Variants in HTN3 observed in about 807,000 individuals in gnomAD.
HTN3 encodes the protein histatin 3.
Under a neutral mutation model 10.6 loss-of-function variants are expected in HTN3, and 15 were observed. The ratio of observed to expected loss-of-function variants is 1.42; its 90% CI spans 0.95 to 2.18. The LOEUF (loss-of-function observed/expected upper bound fraction) is 2.18, where lower values mean the gene tolerates loss of function less well. Ranked by LOEUF, HTN3 falls within the 30% of genes most tolerant of loss-of-function variation. The pLI is 0.00. For synonymous variants in HTN3, 15 were observed against 16.9 expected (o/e 0.89, Z 0.27); for missense variants, 68 against 58.0 (o/e 1.17, Z -0.56).
rs747531085 is a variant in HTN3 at position 70,033,183 on chromosome 4, A to G, written c.119A>G (p.His40Arg). 1.9e-6 allele frequency: 3 copies of G among 1,606,970 alleles called. No individual in the cohort carries two copies. Among genetic ancestry groups the G allele is most frequent in the Non-Finnish European group, 2.6e-6 (3 of 1,175,046 alleles). Residue 40 changes from histidine to arginine, a missense_variant, in exon 5 of 6, where the codon CAT (histidine) becomes CGT (arginine). By Grantham distance (29) the His-to-Arg change is conservative. Coordinates refer to ENST00000673563, the MANE Select transcript of HTN3 (RefSeq NM_000200.3). ...KRKFHEKHHS[H>R]RGYRSNYLYD... ...TGTATGCAGGAAAAGCATCATTCAC[A>G]TCGAGGCTATAGATCAAATTATCTG...
rs560565214 is a variant in HTN3, at chr4:70,030,821, C to T, written c.51+30C>T. Reference sequence around the variant, plus strand: ...GTATATCTGGAAGTTTTAAAGGATACATTCTCAGTACTTATCCCAAGGATC... The same window carrying T: ...GTATATCTGGAAGTTTTAAAGGATATATTCTCAGTACTTATCCCAAGGATC... On this transcript the variant is annotated intron_variant, in intron 2 of 5. Coordinates refer to ENST00000673563, the MANE Select transcript of HTN3 (RefSeq NM_000200.3). The T allele has an allele frequency of 2.0e-6, 3 of 1,517,028 alleles. No individual in the cohort carries two copies. In the African/African-American group the frequency reaches 4.1e-5, roughly 21 times the overall value. The allele number at this position is 1,517,028 out of a possible 1,614,324, so 94.0% of individuals were successfully genotyped here.
At position 70,028,503 on chromosome 4, in the gene HTN3, C is replaced by G. The variant is rs1725295818; in HGVS notation, c.-27C>G. The G allele has an allele frequency of 1.3e-5, 2 of 152,104 alleles. No individual in the cohort carries two copies. Among genetic ancestry groups the G allele is most frequent in the South Asian group, 4.1e-4 (2 of 4,832 alleles). The allele number at this position is 152,104 out of a possible 1,614,324, so 9.4% of individuals were successfully genotyped here. The stretch of plus-strand genomic sequence containing the variant: ...CAGCTTCACTGACTTCTGGATTCTC[C>G]TCTTGAGTAAAAGGTAACATGTTCA... On this transcript the variant is annotated 5_prime_UTR_variant, in exon 1 of 6. Transcript: ENST00000673563.
intron 5 of HTN3, chr4:70,033,510 G>A (rs181007881): frequency 3.1e-4 from 76 of 244,800 alleles, no homozygotes; most frequent in African/African-American, 1.3e-3. Context: ...TTTGGTAACC[G>A]TAGCCTTGTA....
intron 5 of HTN3, chr4:70,033,930 A>G (rs1051482091): frequency 4.6e-5 from 7 of 152,032 alleles, no homozygotes; most frequent in African/African-American, 1.7e-4. Flanking sequence ...ATCTACGACA[A>G]TCCTGACAAA....
intron 2 of HTN3, 189 bp downstream of exon 2, chr4:70,030,980 T>C: frequency 2.0e-6 from 1 of 492,546 alleles, no homozygotes; most frequent in Non-Finnish European, 3.6e-6. Context: ...ATTACATACC[T>C]GCGAACACTC....
chr4:70,030,844 A>T, intron 2 of HTN3, 53 bp downstream of exon 2: 1 of 1,322,120 alleles, frequency 7.6e-7, no homozygotes, highest in East Asian at 2.3e-5. Flanking sequence ...TATCCCAAGG[A>T]TCTTTCTTAT....
At chr4:70,032,346 G>T (rs763803800) in intron 4 of HTN3, among the ~76,000 whole-genome samples, 2 of 151,968 alleles carry the variant, frequency 1.3e-5, no homozygotes, top group Non-Finnish European at 2.9e-5. Flanking sequence ...TATTCTTTGA[G>T]AGCTTAAGTA....
chr4:70,028,692 C>A (rs1725300406), intron 1 of HTN3, among the ~76,000 whole-genome samples, 176 bp downstream of exon 1: 1 of 152,026 alleles, frequency 6.6e-6, no homozygotes, highest in African/African-American at 2.4e-5. Flanking sequence ...TATGAATTAA[C>A]ACCAGCAATC....
At chr4:70,033,342 CA>C (rs1216370955) in intron 5 of HTN3, 89 bp downstream of exon 5, 5 of 636,374 alleles carry the variant, frequency 7.9e-6, no homozygotes, top group African/African-American at 1.9e-5. Flanking sequence ...ATTAAGCCAA[CA>C]ATCATTCCAG....
chr4:70,031,903 T>A (rs1725389763), intron 2 of HTN3, 76 bp from the exon 3 acceptor site: 2 of 1,024,576 alleles, frequency 2.0e-6, no homozygotes, highest in Non-Finnish European at 3.0e-6. Context: ...TAAATGTGGC[T>A]AAGTCAATTT....
At chr4:70,029,664 CAT>C (rs578100102) in intron 1 of HTN3, among the ~76,000 whole-genome samples, 4 of 152,032 alleles carry the variant, frequency 2.6e-5, no homozygotes, top group African/African-American at 7.2e-5. Flanking sequence ...CTTTTATTTA[CAT>C]GTTTGTAATT....
chr4:70,028,986 T>A (rs3775762), intron 1 of HTN3, among the ~76,000 whole-genome samples: 78,429 of 151,806 alleles, frequency 0.52, 21,032 homozygotes, highest in East Asian at 0.64. Flanking sequence ...AACAGTTCTG[T>A]TATAAATCAA....
At chr4:70,035,586 C>T (rs1289395124) in intron 5 of HTN3, among the ~76,000 whole-genome samples, 1 of 152,016 alleles carries the variant, frequency 6.6e-6, no homozygotes, top group East Asian at 1.9e-4. Flanking sequence ...TGAGCAATGG[C>T]TATAGGAATG....
chr4:70,030,843 G>C (rs760417074), intron 2 of HTN3, 52 bp downstream of exon 2: 2 of 1,351,988 alleles, frequency 1.5e-6, no homozygotes, highest in Admixed American at 3.4e-5. Flanking sequence ...TTATCCCAAG[G>C]ATCTTTCTTA....
chr4:70,031,162 G>A (rs1024579233), intron 2 of HTN3: 2 of 163,320 alleles, frequency 1.2e-5, no homozygotes, highest in African/African-American at 2.4e-5. Flanking sequence ...ATTAGAGGGT[G>A]TCAAAATATG....
intron 1 of HTN3, among the ~76,000 whole-genome samples, chr4:70,029,091 A>T (rs565084244): frequency 6.6e-6 from 1 of 152,104 alleles, no homozygotes; most frequent in African/African-American, 2.4e-5. Context: ...ACAGTTTATT[A>T]TTCCAAATTT....
At position 70,033,235 on chromosome 4, in the gene HTN3, AC is replaced by A; in HGVS notation, c.*16del. ...ATGACAATTGATATCTTCAGTAATCACGGGGCATGATTATGGAGGTAAGCTG... is the reference window on the plus strand; with the variant it reads ...ATGACAATTGATATCTTCAGTAATCAGGGGCATGATTATGGAGGTAAGCTG... On this transcript the variant is annotated 3_prime_UTR_variant, in exon 5 of 6. Transcript: ENST00000673563. 2 of 1,539,778 alleles carry A rather than the reference AC, an allele frequency of 1.3e-6. No individual in the cohort carries two copies. Among genetic ancestry groups the A allele is most frequent in the Non-Finnish European group, 1.8e-6 (2 of 1,117,752 alleles).
chr4:70,035,042 G>A (rs1265146570), intron 5 of HTN3, among the ~76,000 whole-genome samples: 2 of 152,096 alleles, frequency 1.3e-5, no homozygotes, highest in African/African-American at 4.8e-5. Context: ...GGGATGGGGG[G>A]TAGGAGGTGA....
chr4:70,030,983 G>T, intron 2 of HTN3, 192 bp downstream of exon 2: 1 of 478,104 alleles, frequency 2.1e-6, no homozygotes, highest in South Asian at 2.6e-5. Flanking sequence ...ACATACCTGC[G>T]AACACTCAAG....
Sources: gnomAD v4.1 joint callset for allele counts (sites outside exome capture counted in the v4.1 genomes callset) on GRCh38, gnomAD v4.1.1 for gene constraint, MANE v1.5 for transcripts, NCBI Gene and HGNC (gene_info 2026-07-23, HGNC 2026-07-21) for gene names.